The following SYT17 variants were observed in gnomAD, a reference collection of about 807,000 sequenced individuals.
The protein encoded by SYT17 is synaptotagmin 17.
Under a neutral mutation model 46.7 loss-of-function variants are expected in SYT17, and 22 were observed. The ratio of observed to expected loss-of-function variants is 0.47; its 90% confidence interval spans 0.34 to 0.67. The LOEUF is 0.67. Among genes scored for constraint, SYT17 ranks in the 30% least tolerant of loss-of-function variants. The probability of loss-of-function intolerance (pLI) is 0.01; values close to 1 mark genes in which losing one functional copy is unlikely to be tolerated. For missense variants in SYT17, 519 were observed against 612.8 expected, an observed-to-expected ratio of 0.85 and a Z score of 1.62; for synonymous variants, 251 against 248.4, an observed-to-expected ratio of 1.01 and a Z score of -0.10.
chr16:19,212,147 T>C (rs1032634870), intron 5 of SYT17, among the ~76,000 whole-genome samples: 1 of 152,172 alleles, frequency 6.6e-6, no homozygotes, highest in African/African-American at 2.4e-5. Flanking sequence ...AGAGGGGTGA[T>C]GCCGCTGGCA....
At chr16:19,219,970 C>T (rs75152380) in intron 5 of SYT17, among the ~76,000 whole-genome samples, 3,328 of 152,212 alleles carry the variant, frequency 0.022, 124 homozygotes, top group African/African-American at 0.076. Context: ...GAGAATTCTC[C>T]GCATTGCTCA....
chr16:19,265,093 G>A (rs1350493205), intron 7 of SYT17, among the ~76,000 whole-genome samples: 2 of 152,136 alleles, frequency 1.3e-5, no homozygotes, highest in Non-Finnish European at 2.9e-5. Flanking sequence ...ACAGGGAAGG[G>A]GACTCTGGTA....
intron 1 of SYT17, chr16:19,172,442 T>C (rs1241817191): frequency 6.9e-7 from 1 of 1,441,770 alleles, no homozygotes; most frequent in African/African-American, 1.4e-5. Flanking sequence ...CTGCATTGGA[T>C]AGCATGACTA....
intron 5 of SYT17, 116 bp downstream of exon 5, chr16:19,184,263 AT>A: frequency 7.2e-7 from 1 of 1,385,508 alleles, no homozygotes; most frequent in South Asian, 1.5e-5. Context: ...TTATTTTGAA[AT>A]AATTTTTGAC....
In SYT17 at chr16:19,224,684, C is replaced by T. The variant is rs781519434; in HGVS notation, c.1074C>T (p.Asp358=). 1 of 1,613,910 alleles carries T rather than the reference C, an allele frequency of 6.2e-7. No individual in the cohort carries two copies. The highest frequency in any genetic ancestry group is 8.5e-7 in the Non-Finnish European group (1 of 1,179,868). ...LLQTDVSQGS[D]PFVKIQLVHG... The stretch of plus-strand genomic sequence containing the variant: ...TATGATGCTGTGTCTAATTTTCAGA[C>T]CCCTTTGTGAAAATCCAGCTGGTGC... The change falls in exon 7 of 8, where the codon GAC becomes GAT. Residue 358 remains aspartate (D), a splice_region_variant and synonymous_variant. Coordinates refer to ENST00000355377, the MANE Select transcript of SYT17 (RefSeq NM_016524.4).
At chr16:19,181,816 A>G (rs980627061) in intron 4 of SYT17, among the ~76,000 whole-genome samples, 1 of 151,926 alleles carries the variant, frequency 6.6e-6, no homozygotes, top group Non-Finnish European at 1.5e-5. Context: ...CCTGGCTAAC[A>G]TGGTGAAACC....
At chr16:19,215,636 T>G (rs1309031412) in intron 5 of SYT17, among the ~76,000 whole-genome samples, 1 of 152,018 alleles carries the variant, frequency 6.6e-6, no homozygotes, top group Non-Finnish European at 1.5e-5. Flanking sequence ...AGGCTGGTCT[T>G]GAACTCCTGG....
At chr16:19,225,080 C>A (rs1016245697) in intron 7 of SYT17, among the ~76,000 whole-genome samples, 3 of 152,168 alleles carry the variant, frequency 2.0e-5, no homozygotes, top group Non-Finnish European at 2.9e-5. Flanking sequence ...TAACTGAGGT[C>A]TTTGGCAAGT....
Position 19,228,845 on chromosome 16 carries a change from A to G in SYT17, c.1228+4007A>G, listed in dbSNP as rs563380062. Among the ~76,000 whole-genome samples, 3 of 152,352 alleles carry G rather than the reference A, an allele frequency of 2.0e-5. No individual in the cohort carries two copies. The South Asian group carries it at 6.2e-4, about 32-fold the overall frequency. The stretch of plus-strand genomic sequence containing the variant: ...CCGAGGAACCAAAGCCCAGCCTATT[A>G]GCATGTTTCCAAACACTTCATAACA... On this transcript the variant is annotated intron_variant, in intron 7 of 7. Transcript: ENST00000355377.
At chr16:19,214,358 C>G (rs1393674826) in intron 5 of SYT17, among the ~76,000 whole-genome samples, 2 of 151,668 alleles carry the variant, frequency 1.3e-5, no homozygotes, top group Non-Finnish European at 2.9e-5. Flanking sequence ...AATTAGAGAC[C>G]ATGTGTTGCT....
chr16:19,257,528 C>T (rs1968662996), intron 7 of SYT17, among the ~76,000 whole-genome samples: 1 of 152,050 alleles, frequency 6.6e-6, no homozygotes, highest in Non-Finnish European at 1.5e-5. Context: ...TGCAGTGTGT[C>T]AGAGCTGCCC....
chr16:19,208,881 C>CTTT (rs1567213098), intron 5 of SYT17, among the ~76,000 whole-genome samples: 7 of 54,456 alleles, frequency 1.3e-4, no homozygotes, highest in African/African-American at 4.0e-4. Context: ...CTACAAGGAC[C>CTTT]TTCTTTTTTT....
intron 5 of SYT17, among the ~76,000 whole-genome samples, chr16:19,189,735 T>C (rs1964938897): frequency 6.6e-6 from 1 of 152,228 alleles, no homozygotes; most frequent in Non-Finnish European, 1.5e-5. Flanking sequence ...AGGAGGCAGT[T>C]GTGTAATGGT....
At position 19,267,061 on chromosome 16, in the gene SYT17, C is replaced by T. The variant is rs776067550; in HGVS notation, c.1410C>T (p.Ser470=). 10 of 1,606,110 alleles carry T rather than the reference C, an allele frequency of 6.2e-6. No homozygotes were observed. In the African/African-American group the frequency reaches 8.1e-5, roughly 13 times the overall value. ...RAECDRVSPA[S]LEVT is the part of the protein sequence containing the mutation. The stretch of plus-strand genomic sequence containing the variant: ...AGTGTGACCGCGTGTCTCCTGCCTC[C>T]CTGGAGGTGACCTGAGGGCTGCAGG... The change falls in exon 8 of 8, where the codon TCC becomes TCT. Residue 470 remains serine (S), a synonymous_variant. Transcript: ENST00000355377.
chr16:19,182,143 G>T (rs531941441), intron 4 of SYT17, among the ~76,000 whole-genome samples: 1 of 152,068 alleles, frequency 6.6e-6, no homozygotes. Context: ...GGCTGGGCGC[G>T]GTGGCTCACG....
At chr16:19,179,016 G>A (rs1422828546) in intron 3 of SYT17, among the ~76,000 whole-genome samples, 1 of 151,500 alleles carries the variant, frequency 6.6e-6, no homozygotes, top group African/African-American at 2.4e-5. Context: ...GGGCAACATA[G>A]TGAGACCCTG....
chr16:19,190,734 T>G (rs1029356196), intron 5 of SYT17, among the ~76,000 whole-genome samples: 17 of 151,946 alleles, frequency 1.1e-4, no homozygotes, highest in African/African-American at 4.1e-4. Flanking sequence ...AGTCAGAATT[T>G]CCTTCCTTTC....
At chr16:19,218,916 C>T (rs1453892674) in intron 5 of SYT17, among the ~76,000 whole-genome samples, 4 of 152,162 alleles carry the variant, frequency 2.6e-5, no homozygotes, top group Non-Finnish European at 5.9e-5. Flanking sequence ...TCCCTCTGCC[C>T]CATGAGTCCC....
intron 7 of SYT17, among the ~76,000 whole-genome samples, chr16:19,263,661 AAAG>A (rs1229763392): frequency 6.0e-5 from 9 of 150,332 alleles, no homozygotes; most frequent in African/African-American, 2.2e-4. Flanking sequence ...AAAAAAAAGA[AAAG>A]AAAAAAAAAA....
Sources: gnomAD v4.1 joint callset for allele counts (sites outside exome capture counted in the v4.1 genomes callset) on GRCh38, gnomAD v4.1.1 for gene constraint, MANE v1.5 for transcripts, NCBI Gene and HGNC (gene_info 2026-07-23, HGNC 2026-07-21) for gene names.